PGGT1B: variants seen among roughly 807,000 people sequenced by gnomAD.
PGGT1B encodes protein geranylgeranyltransferase type I subunit beta.
In PGGT1B, 30 loss-of-function variants were observed where a neutral mutation model predicts 46.1. That is an observed-to-expected ratio of 0.65 (90% CI 0.49 to 0.88). The LOEUF is 0.88. Ranked by LOEUF, PGGT1B falls within the 40% of genes least tolerant of loss-of-function variation. The pLI, the probability that PGGT1B is intolerant of heterozygous loss-of-function variation, is 0.00. For synonymous variants in PGGT1B, 170 were observed against 160.0 expected (o/e 1.06, Z -0.47); for missense variants, 376 against 455.9 (o/e 0.82, Z 1.60).
intron 6 of PGGT1B, 44 bp downstream of exon 6, chr5:115,230,932 G>A (rs373918707): frequency 5.8e-5 from 72 of 1,241,850 alleles, no homozygotes; most frequent in Middle Eastern, 1.9e-4. Context: ...TGTTGTCTAA[G>A]GGAACAAAAG....
intron 1 of PGGT1B, among the ~76,000 whole-genome samples, chr5:115,255,581 C>G (rs1748276243): frequency 6.6e-6 from 1 of 151,790 alleles, no homozygotes; most frequent in Non-Finnish European, 1.5e-5. Flanking sequence ...AGGAAAAGGG[C>G]AAAAAGAAGA....
At chr5:115,229,314 T>C (rs1011764662) in intron 6 of PGGT1B, among the ~76,000 whole-genome samples, 17 of 152,102 alleles carry the variant, frequency 1.1e-4, no homozygotes, top group African/African-American at 4.1e-4. Context: ...TACTTTGGTA[T>C]AATAACCTAT....
chr5:115,233,830 T>A (rs1757078450), intron 5 of PGGT1B, among the ~76,000 whole-genome samples: 1 of 152,038 alleles, frequency 6.6e-6, no homozygotes, highest in Admixed American at 6.6e-5. Flanking sequence ...GGCACTCTCT[T>A]ATATTGGTAG....
rs1280129720 is a variant in PGGT1B, at chr5:115,249,439, T to C, written c.259+3698A>G. Among the ~76,000 whole-genome samples, 6 of 152,320 alleles carry C rather than the reference T, an allele frequency of 3.9e-5. No individual in the cohort carries two copies. In the East Asian group the frequency reaches 9.6e-4, roughly 24 times the overall value. On this transcript the variant is annotated intron_variant, in intron 2 of 8. Coordinates refer to ENST00000419445, the MANE Select transcript of PGGT1B (RefSeq NM_005023.4). ...TCTCATCCCTGACGCGGGTGGCCCC[T>C]GCTGCTGTGTTGTTCCCCTATTGGC...
At chr5:115,252,175 A>T (rs950690205) in intron 2 of PGGT1B, among the ~76,000 whole-genome samples, 1 of 152,100 alleles carries the variant, frequency 6.6e-6, no homozygotes, top group African/African-American at 2.4e-5. Context: ...CTAGCAGAAA[A>T]GTGATTAGAT....
intron 6 of PGGT1B, among the ~76,000 whole-genome samples, chr5:115,227,405 G>A (rs1756822713): frequency 6.6e-6 from 1 of 152,152 alleles, no homozygotes; most frequent in African/African-American, 2.4e-5. Flanking sequence ...GGTTAGAGGA[G>A]GTAAGCAACA....
At chr5:115,261,096 AGGAT>A (rs1748537863) in intron 1 of PGGT1B, among the ~76,000 whole-genome samples, 1 of 152,244 alleles carries the variant, frequency 6.6e-6, no homozygotes, top group Non-Finnish European at 1.5e-5. Flanking sequence ...TAACAAAAAC[AGGAT>A]GGAAGACTTT....
At chr5:115,262,215 C>T (rs1370080839) in intron 1 of PGGT1B, among the ~76,000 whole-genome samples, 3 of 152,216 alleles carry the variant, frequency 2.0e-5, no homozygotes, top group African/African-American at 7.2e-5. Context: ...AACACCACAC[C>T]TCTTTCGCCT....
At chr5:115,241,425 T>C (rs1016367210) in intron 3 of PGGT1B, 114 bp downstream of exon 3, 14 of 525,500 alleles carry the variant, frequency 2.7e-5, no homozygotes, top group South Asian at 3.9e-5. Context: ...TAGACAACAT[T>C]TAGCCACATT....
At position 115,238,291 on chromosome 5, in the gene PGGT1B, A is replaced by ATTTTTTTTTTTTTTTTT. The variant is rs35711954; in HGVS notation, c.328-299_328-283dup. ...AATTATGTATTACTTATTTTTTTGG[A>ATTTTTTTTTTTTTTTTT]TTTTTTTTTTTTTTTTTTTTTTTTT... On this transcript the variant is annotated intron_variant, in intron 3 of 8. Coordinates refer to ENST00000419445, the MANE Select transcript of PGGT1B (RefSeq NM_005023.4). Among the ~76,000 whole-genome samples, 11 of 46,964 alleles carry ATTTTTTTTTTTTTTTTT rather than the reference A, an allele frequency of 2.3e-4. 1 individual carries two copies. Among genetic ancestry groups the ATTTTTTTTTTTTTTTTT allele is most frequent in the African/African-American group, 3.1e-4 (4 of 12,888 alleles). The allele number at this position is 46,964 out of a possible 152,430, so 30.8% of individuals were successfully genotyped here.
intron 6 of PGGT1B, among the ~76,000 whole-genome samples, chr5:115,230,111 A>G (rs905441490): frequency 1.3e-4 from 20 of 152,076 alleles, no homozygotes; most frequent in African/African-American, 4.6e-4. Flanking sequence ...TATAATACTA[A>G]CAACAATCCT....
chr5:115,260,445 C>A (rs1313508410), intron 1 of PGGT1B, among the ~76,000 whole-genome samples: 1 of 151,828 alleles, frequency 6.6e-6, no homozygotes, highest in Non-Finnish European at 1.5e-5. Context: ...TGTGGCTTGC[C>A]CAATGTACTG....
At chr5:115,232,483 C>G (rs1441071889) in intron 5 of PGGT1B, among the ~76,000 whole-genome samples, 1 of 152,010 alleles carries the variant, frequency 6.6e-6, no homozygotes, top group Non-Finnish European at 1.5e-5. Context: ...AGGCAATATT[C>G]ACAATATTTC....
intron 5 of PGGT1B, among the ~76,000 whole-genome samples, chr5:115,235,274 A>T (rs1372554538): frequency 2.0e-5 from 3 of 152,050 alleles, no homozygotes; most frequent in Non-Finnish European, 4.4e-5. Context: ...TAAATAAGTA[A>T]GTATAAGTAA....
chr5:115,221,535 A>G (rs1756588924), intron 7 of PGGT1B, among the ~76,000 whole-genome samples: 1 of 151,996 alleles, frequency 6.6e-6, no homozygotes, highest in Non-Finnish European at 1.5e-5. Flanking sequence ...ATTACCTTAT[A>G]CCCACAAGAA....
chr5:115,259,685 CAAAA>C (rs917531364), intron 1 of PGGT1B, among the ~76,000 whole-genome samples: 7 of 29,474 alleles, frequency 2.4e-4, no homozygotes, highest in African/African-American at 6.0e-4. Context: ...GAGACTGTCT[CAAAA>C]AAAAAAAAAA....
At chr5:115,252,605 T>G (rs979896645) in intron 2 of PGGT1B, among the ~76,000 whole-genome samples, 2 of 152,074 alleles carry the variant, frequency 1.3e-5, no homozygotes. Flanking sequence ...ATTACGTAAT[T>G]TATGAACTCT....
In PGGT1B at chr5:115,239,452, A is replaced by G. The variant is rs547898309; in HGVS notation, c.328-1443T>C. On this transcript the variant is annotated intron_variant, in intron 3 of 8. Transcript: ENST00000419445. ...AACTCAAGCTCTAGTTCTCCTGGCT[A>G]TCCTATTCCACATTTACAACTGACT... is the stretch of plus-strand genomic sequence containing the variant. 2.6e-5 allele frequency among the ~76,000 whole-genome samples: 4 copies of G among 152,312 alleles called. No homozygotes were observed. In the South Asian group the frequency reaches 8.3e-4, roughly 32 times the overall value.
intron 1 of PGGT1B, among the ~76,000 whole-genome samples, chr5:115,254,314 T>C (rs1258765590): frequency 6.6e-6 from 1 of 152,020 alleles, no homozygotes; most frequent in African/African-American, 2.4e-5. Context: ...TTTAGAATAT[T>C]TGCATATACA....
Sources: allele counts gnomAD v4.1 joint callset (sites outside exome capture counted in the v4.1 genomes callset), GRCh38; gene constraint gnomAD v4.1.1; transcripts MANE v1.5; gene names NCBI Gene and HGNC (gene_info 2026-07-23, HGNC 2026-07-21).